Variants in SMARCC1 observed in about 807,000 individuals in gnomAD.
SMARCC1 encodes the protein SWI/SNF complex subunit SMARCC1.
In SMARCC1, 43 loss-of-function variants were observed where a neutral mutation model predicts 147.4. The ratio of observed to expected loss-of-function variants is 0.29; its 90% CI spans 0.23 to 0.38. SMARCC1 has a LOEUF of 0.38. SMARCC1 is among the 10% of genes least tolerant of loss of function. The pLI is 1.00. For synonymous variants in SMARCC1, 495 were observed against 484.4 expected (o/e 1.02, Z -0.29); for missense variants, 1,119 against 1,381.1 (o/e 0.81, Z 3.01).
intron 25 of SMARCC1, among the ~76,000 whole-genome samples, chr3:47,621,887 G>T (rs1035950331): frequency 1.3e-5 from 2 of 151,300 alleles, no homozygotes; most frequent in Admixed American, 1.3e-4. Context: ...TACTTTATTG[G>T]TAACAAGTAG....
intron 1 of SMARCC1, among the ~76,000 whole-genome samples, chr3:47,781,212 G>C (rs1056387260): frequency 6.6e-6 from 1 of 152,212 alleles, no homozygotes; most frequent in Non-Finnish European, 1.5e-5. Flanking sequence ...ACCCCCTCGA[G>C]ACTTTGAATA....
chr3:47,591,417 A>G (rs1013302647), intron 26 of SMARCC1, among the ~76,000 whole-genome samples: 1 of 151,928 alleles, frequency 6.6e-6, no homozygotes, highest in Non-Finnish European at 1.5e-5. Context: ...ATTTAAAAAA[A>G]AAAAAAAAAT....
intron 26 of SMARCC1, among the ~76,000 whole-genome samples, chr3:47,602,322 G>T (rs2032400779): frequency 6.6e-6 from 1 of 152,150 alleles, no homozygotes. Context: ...TTAAAAGACA[G>T]GGTCTTGCTC....
At chr3:47,713,742 TATTAC>T (rs1486575350) in intron 8 of SMARCC1, among the ~76,000 whole-genome samples, 1 of 152,142 alleles carries the variant, frequency 6.6e-6, no homozygotes, top group Non-Finnish European at 1.5e-5. Context: ...TATGGACTCT[TATTAC>T]ATTATGGTAG....
chr3:47,593,117 G>A (rs865836183), intron 26 of SMARCC1, among the ~76,000 whole-genome samples: 1 of 151,606 alleles, frequency 6.6e-6, no homozygotes, highest in South Asian at 2.1e-4. Context: ...GTGAGCCACC[G>A]CACCTGGCCG....
intron 24 of SMARCC1, among the ~76,000 whole-genome samples, chr3:47,623,166 G>A: frequency 8.6e-6 from 1 of 116,416 alleles, no homozygotes; most frequent in African/African-American, 3.1e-5. Flanking sequence ...TAAAGAAGCA[G>A]GGTTCTTCAT....
chr3:47,607,258 A>C (rs764427156), intron 26 of SMARCC1, among the ~76,000 whole-genome samples: 10 of 152,206 alleles, frequency 6.6e-5, no homozygotes, highest in Non-Finnish European at 1.3e-4. Flanking sequence ...CGATGGTAGT[A>C]ATTCTTATGA....
intron 9 of SMARCC1, 66 bp downstream of exon 9, chr3:47,710,617 A>T: frequency 6.6e-7 from 1 of 1,525,996 alleles, no homozygotes. Flanking sequence ...CTTACTGATG[A>T]AGATTTAATA....
intron 14 of SMARCC1, 72 bp from the exon 15 acceptor site, chr3:47,680,580 C>T (rs1260640949): frequency 7.8e-6 from 7 of 892,222 alleles, no homozygotes; most frequent in South Asian, 1.6e-5. Context: ...CGGAGTCTCG[C>T]TCTGTCGCCC....
chr3:47,682,211 C>T (rs1370620401), intron 14 of SMARCC1, among the ~76,000 whole-genome samples: 6 of 149,414 alleles, frequency 4.0e-5, no homozygotes, highest in African/African-American at 1.2e-4. Context: ...GGGAGAATGG[C>T]GTGAACCCGG....
At position 47,767,554 on chromosome 3, in the gene SMARCC1, A is replaced by T. The variant is rs1222448573; in HGVS notation, c.315+5263T>A. Among the ~76,000 whole-genome samples, 13 of 127,690 alleles carry T rather than the reference A, an allele frequency of 1.0e-4. No individual in the cohort carries two copies. In the South Asian group the frequency reaches 1.5e-3, roughly 15 times the overall value. 83.8% of individuals were successfully genotyped at this position (127,690 alleles called of 152,430 possible). On this transcript the variant is annotated intron_variant, in intron 2 of 27. Transcript: ENST00000254480. ...CCGCACCCAGCCTCCACTCTGATTT[A>T]AAAAAAAAAAAAAAAAGTCCAAATA...
At chr3:47,650,951 C>G (rs2033182250) in intron 21 of SMARCC1, among the ~76,000 whole-genome samples, 1 of 152,092 alleles carries the variant, frequency 6.6e-6, no homozygotes, top group South Asian at 2.1e-4. Flanking sequence ...ATCAATTTAA[C>G]AACTTCTACA....
chr3:47,640,403 G>A (rs1434195021), intron 21 of SMARCC1, among the ~76,000 whole-genome samples: 2 of 152,012 alleles, frequency 1.3e-5, no homozygotes, highest in African/African-American at 4.8e-5. Flanking sequence ...AGGAATGGAT[G>A]AAAGAAAGCT....
intron 14 of SMARCC1, among the ~76,000 whole-genome samples, chr3:47,684,825 G>A (rs1046837213): frequency 6.6e-6 from 1 of 152,078 alleles, no homozygotes; most frequent in African/African-American, 2.4e-5. Flanking sequence ...TGAAACTGTG[G>A]ACAGGGCCAT....
intron 21 of SMARCC1, among the ~76,000 whole-genome samples, chr3:47,651,618 C>CA (rs2033191896): frequency 6.6e-6 from 1 of 152,196 alleles, no homozygotes; most frequent in African/African-American, 2.4e-5. Context: ...GTCACTTTCT[C>CA]AATGAGACTT....
At chr3:47,638,399 A>G (rs997080813) in intron 22 of SMARCC1, among the ~76,000 whole-genome samples, 3 of 152,098 alleles carry the variant, frequency 2.0e-5, no homozygotes, top group Non-Finnish European at 4.4e-5. Flanking sequence ...GCCAAGAACC[A>G]TAACTTTTGT....
chr3:47,765,933 A>G (rs528334413), intron 2 of SMARCC1, among the ~76,000 whole-genome samples: 1 of 152,116 alleles, frequency 6.6e-6, no homozygotes, highest in Non-Finnish European at 1.5e-5. Context: ...GGGTTTCACC[A>G]TGTTGGCCAG....
intron 24 of SMARCC1, among the ~76,000 whole-genome samples, chr3:47,630,897 T>C (rs1333199660): frequency 1.3e-5 from 2 of 152,088 alleles, no homozygotes; most frequent in Non-Finnish European, 2.9e-5. Context: ...ACCCCGTCTC[T>C]ACAAAAAATT....
At chr3:47,680,341 C>T in intron 15 of SMARCC1, 96 bp downstream of exon 15, 1 of 820,822 alleles carries the variant, frequency 1.2e-6, no homozygotes, top group Admixed American at 2.0e-5. Flanking sequence ...TATTTGCAAA[C>T]TTCCAAGAAT....
Sources: gnomAD v4.1 joint callset for allele counts (sites outside exome capture counted in the v4.1 genomes callset) on GRCh38, gnomAD v4.1.1 for gene constraint, MANE v1.5 for transcripts, NCBI Gene and HGNC (gene_info 2026-07-23, HGNC 2026-07-21) for gene names.